BRINP3: variants seen among roughly 807,000 people sequenced by gnomAD.
BRINP3 encodes the protein BMP/retinoic acid inducible neural specific 3.
In BRINP3, 19 loss-of-function variants were observed where a neutral mutation model predicts 71.0. That is an observed-to-expected ratio of 0.27 (90% CI 0.19 to 0.39). The LOEUF is 0.39. BRINP3 is among the 10% of genes least tolerant of loss of function. BRINP3 has a pLI of 1.00. For missense variants in BRINP3, 959 were observed against 940.8 expected (o/e 1.02, Z -0.25); for synonymous variants, 380 against 337.7 (o/e 1.13, Z -1.37).
At chr1:190,128,599 T>C (rs1054339248) in intron 7 of BRINP3, among the ~76,000 whole-genome samples, 2 of 151,766 alleles carry the variant, frequency 1.3e-5, no homozygotes, top group Non-Finnish European at 3.0e-5. Context: ...CTGACAAAAA[T>C]GGTAGAATGA....
chr1:190,304,975 A>G (rs1468187353), intron 2 of BRINP3, among the ~76,000 whole-genome samples: 1 of 152,020 alleles, frequency 6.6e-6, no homozygotes, highest in Admixed American at 6.6e-5. Flanking sequence ...CATTTCTCAA[A>G]AGAAGACATA....
intron 2 of BRINP3, among the ~76,000 whole-genome samples, chr1:190,452,268 A>G (rs1262251398): frequency 6.6e-6 from 1 of 152,212 alleles, no homozygotes; most frequent in African/African-American, 2.4e-5. Context: ...TTTTATAGCA[A>G]CTATCAATAA....
At chr1:190,457,741 G>A (rs1305631929) in intron 1 of BRINP3, among the ~76,000 whole-genome samples, 3 of 152,066 alleles carry the variant, frequency 2.0e-5, no homozygotes, top group African/African-American at 7.2e-5. Flanking sequence ...ACTCACACAT[G>A]TGATTTTTGT....
intron 5 of BRINP3, among the ~76,000 whole-genome samples, chr1:190,232,580 G>A (rs1658098690): frequency 6.6e-6 from 1 of 151,490 alleles, no homozygotes; most frequent in South Asian, 2.1e-4. Flanking sequence ...AAGAGATGGA[G>A]GTTTCTGAGT....
intron 2 of BRINP3, among the ~76,000 whole-genome samples, chr1:190,325,516 C>A (rs573268936): frequency 6.1e-4 from 93 of 152,096 alleles, no homozygotes; most frequent in African/African-American, 2.2e-3. Flanking sequence ...AAATTACATA[C>A]TGAAGAGTTC....
At chr1:190,238,343 T>C (rs1430774741) in intron 4 of BRINP3, among the ~76,000 whole-genome samples, 1 of 151,988 alleles carries the variant, frequency 6.6e-6, no homozygotes, top group African/African-American at 2.4e-5. Flanking sequence ...ATAATTAGTA[T>C]TAAAAATTTA....
At chr1:190,281,395 CTG>C (rs1167254076) in intron 3 of BRINP3, among the ~76,000 whole-genome samples, 163 bp downstream of exon 3, 1 of 151,970 alleles carries the variant, frequency 6.6e-6, no homozygotes, top group Admixed American at 6.6e-5. Context: ...ACTGTGAACA[CTG>C]TGTGGGACAT....
intron 2 of BRINP3, among the ~76,000 whole-genome samples, chr1:190,409,616 C>A (rs1672530416): frequency 6.6e-6 from 1 of 152,016 alleles, no homozygotes; most frequent in African/African-American, 2.4e-5. Flanking sequence ...TAAGCATTTT[C>A]TTTTTAAAAA....
At chr1:190,283,678 T>A (rs939405516) in intron 2 of BRINP3, among the ~76,000 whole-genome samples, 5 of 149,144 alleles carry the variant, frequency 3.4e-5, no homozygotes, top group African/African-American at 1.2e-4. Context: ...TAAATAAAAA[T>A]TTAAACATTG....
At position 190,160,977 on chromosome 1, in the gene BRINP3, T is replaced by C. The variant is rs759423552; in HGVS notation, c.962-87A>G. ...CACGTATGTCAATATTAAGAACAAA[T>C]ACATATACACATATATGTCAAATTA... is the stretch of plus-strand genomic sequence containing the variant. On this transcript the variant is annotated intron_variant, in intron 6 of 7. Coordinates refer to ENST00000367462, the MANE Select transcript of BRINP3 (RefSeq NM_199051.3). 2.0e-5 allele frequency: 17 copies of C among 868,100 alleles called. 1 individual carries two copies. In the South Asian group the frequency reaches 2.2e-4, roughly 11 times the overall value. The allele number at this position is 868,100 out of a possible 1,614,324, so 53.8% of individuals were successfully genotyped here.
intron 7 of BRINP3, among the ~76,000 whole-genome samples, chr1:190,115,122 C>A (rs1653021168): frequency 6.6e-6 from 1 of 152,118 alleles, no homozygotes; most frequent in Non-Finnish European, 1.5e-5. Context: ...TATTCATGGT[C>A]ATAGTCCCCA....
At position 190,277,223 on chromosome 1, in the gene BRINP3, G is replaced by T. The variant is rs114742650; in HGVS notation, c.427+4337C>A. On this transcript the variant is annotated intron_variant, in intron 3 of 7. Coordinates refer to ENST00000367462, the MANE Select transcript of BRINP3 (RefSeq NM_199051.3). ...CATGTGTCTGATGGCCCACAGAGCT[G>T]CAGTGAGTTAACAGAAAGGCATAGT... 4.9e-3 allele frequency among the ~76,000 whole-genome samples: 727 copies of T among 149,832 alleles called. 6 individuals carry two copies. The highest frequency in any genetic ancestry group is 0.017 in the African/African-American group (684 of 40,978).
At chr1:190,105,629 C>A (rs558814248) in intron 7 of BRINP3, among the ~76,000 whole-genome samples, 6 of 152,102 alleles carry the variant, frequency 3.9e-5, no homozygotes, top group African/African-American at 1.4e-4. Flanking sequence ...TAAAGGTTTA[C>A]CCCTGGTCTC....
At chr1:190,124,348 G>A (rs1653920408) in intron 7 of BRINP3, among the ~76,000 whole-genome samples, 1 of 152,110 alleles carries the variant, frequency 6.6e-6, no homozygotes. Context: ...GGCTTCCGGT[G>A]AGAAATAAAT....
intron 2 of BRINP3, among the ~76,000 whole-genome samples, chr1:190,295,667 G>T (rs541955525): frequency 3.3e-5 from 5 of 152,040 alleles, no homozygotes; most frequent in African/African-American, 1.2e-4. Flanking sequence ...TTCTGTGGGC[G>T]CCAGTCTAGA....
intron 1 of BRINP3, among the ~76,000 whole-genome samples, chr1:190,466,082 T>A (rs1676726190): frequency 6.6e-6 from 1 of 151,758 alleles, no homozygotes; most frequent in Non-Finnish European, 1.5e-5. Context: ...TTAAAGAAAA[T>A]GTGGACAATA....
chr1:190,223,863 G>GA (rs1224381784), intron 6 of BRINP3, among the ~76,000 whole-genome samples: 1 of 151,528 alleles, frequency 6.6e-6, no homozygotes, highest in East Asian at 1.9e-4. Context: ...CAAATAATCT[G>GA]AAAAAACAAG....
chr1:190,344,378 TA>T, intron 2 of BRINP3, among the ~76,000 whole-genome samples: 1 of 151,984 alleles, frequency 6.6e-6, no homozygotes, highest in South Asian at 2.1e-4. Context: ...GATTATTGCC[TA>T]GGCAGTTTGA....
At chr1:190,194,063 G>A (rs1031574704) in intron 6 of BRINP3, among the ~76,000 whole-genome samples, 4 of 152,048 alleles carry the variant, frequency 2.6e-5, no homozygotes, top group Non-Finnish European at 5.9e-5. Flanking sequence ...GTTGTTCAAA[G>A]CAATTTTTTT....
Sources: gnomAD v4.1 joint callset for allele counts (sites outside exome capture counted in the v4.1 genomes callset) on GRCh38, gnomAD v4.1.1 for gene constraint, MANE v1.5 for transcripts, NCBI Gene and HGNC (gene_info 2026-07-23, HGNC 2026-07-21) for gene names.